MBOAT2: variants seen among roughly 807,000 people sequenced by gnomAD.
MBOAT2 encodes the protein membrane bound glycerophospholipid O-acyltransferase 2, also known as membrane-bound glycerophospholipid O-acyltransferase 2.
MBOAT2 carries 28 observed loss-of-function variants against 63.4 expected under a neutral mutation model. That is an observed-to-expected ratio of 0.44 (90% CI 0.33 to 0.61). The LOEUF (loss-of-function observed/expected upper bound fraction) is 0.61. Among genes scored for constraint, MBOAT2 ranks in the 20% least tolerant of loss-of-function variants. The pLI, the probability that MBOAT2 is intolerant of heterozygous loss-of-function variation, is 0.03. For synonymous variants in MBOAT2, 211 were observed against 215.6 expected (o/e 0.98, Z 0.19); for missense variants, 470 against 605.8 (o/e 0.78, Z 2.35).
At chr2:8,868,796 C>T (rs976011040) in intron 8 of MBOAT2, among the ~76,000 whole-genome samples, 1 of 151,966 alleles carries the variant, frequency 6.6e-6, no homozygotes, top group South Asian at 2.1e-4. Flanking sequence ...CTGCTGAGGA[C>T]CAATAGGTGA....
chr2:8,938,583 A>G (rs1178092218), intron 3 of MBOAT2, among the ~76,000 whole-genome samples: 1 of 150,010 alleles, frequency 6.7e-6, no homozygotes, highest in Admixed American at 6.6e-5. Flanking sequence ...GCCACATTTC[A>G]TGCCGTGTTT....
At chr2:8,888,532 C>T (rs187684073) in intron 4 of MBOAT2, among the ~76,000 whole-genome samples, 187 of 152,164 alleles carry the variant, frequency 1.2e-3, no homozygotes, top group African/African-American at 4.0e-3. Flanking sequence ...CTAAACACAG[C>T]CATCTAAGGC....
At chr2:8,912,333 AAGAAAGAAAGAAAGAAAG>A (rs1396080445) in intron 3 of MBOAT2, among the ~76,000 whole-genome samples, 38 of 110,424 alleles carry the variant, frequency 3.4e-4, no homozygotes, top group African/African-American at 1.0e-3. Flanking sequence ...GAAAGAAAGA[AAGAAAGAAAGAAAGAAAG>A]AGAAAGAAAG....
intron 3 of MBOAT2, among the ~76,000 whole-genome samples, chr2:8,927,098 G>C (rs1025703918): frequency 3.9e-5 from 6 of 152,182 alleles, no homozygotes; most frequent in African/African-American, 1.4e-4. Flanking sequence ...AGAGATCTGA[G>C]GCCAAGATGA....
intron 1 of MBOAT2, among the ~76,000 whole-genome samples, chr2:8,979,220 T>C (rs1019410649): frequency 2.0e-5 from 3 of 152,156 alleles, no homozygotes; most frequent in Non-Finnish European, 2.9e-5. Flanking sequence ...CAGGTCAATA[T>C]AAAAAGTACT....
chr2:8,862,357 C>T lies in MBOAT2; in HGVS notation c.1185+233G>A. 6.9e-7 allele frequency: 1 copy of T among 1,444,742 alleles called. No individual in the cohort carries two copies. The highest frequency in any genetic ancestry group is 9.2e-7 in the Non-Finnish European group (1 of 1,087,186). The allele number at this position is 1,444,742 out of a possible 1,614,324, so 89.5% of individuals were successfully genotyped here. The stretch of plus-strand genomic sequence containing the variant: ...CAAAGTAACATTTTGTGAGTGCCTC[C>T]TACCTGCCGGGCACATAGAAACGTG... On this transcript the variant is annotated intron_variant, in intron 11 of 12. Coordinates refer to ENST00000305997, the MANE Select transcript of MBOAT2 (RefSeq NM_138799.4). The surrounding 1 kb of genome is among the most constrained non-coding windows in gnomAD (Gnocchi z 4.3).
intron 1 of MBOAT2, among the ~76,000 whole-genome samples, chr2:8,979,115 T>A (rs1671028686): frequency 6.6e-6 from 1 of 152,160 alleles, no homozygotes; most frequent in African/African-American, 2.4e-5. Flanking sequence ...AGATTTCCAT[T>A]AGATACAATG....
At chr2:8,879,985 C>T (rs959577899) in intron 6 of MBOAT2, among the ~76,000 whole-genome samples, 6 of 151,974 alleles carry the variant, frequency 3.9e-5, no homozygotes, top group African/African-American at 1.5e-4. Flanking sequence ...AGTGAGGAAG[C>T]GTGGTCGAGC....
At position 8,873,278 on chromosome 2, in the gene MBOAT2, A is replaced by G; in HGVS notation, c.713T>C (p.Leu238Ser). 1.2e-6 allele frequency: 2 copies of G among 1,613,874 alleles called. No individual in the cohort carries two copies. Among genetic ancestry groups the G allele is most frequent in the Non-Finnish European group, 1.7e-6 (2 of 1,179,828 alleles). ...AAATAACAAGGACAGCCCACAAACT[A>G]AGAGCTTCTGAACAACCGCAGTCTG... ...SPNTAVVQKL[L>S]VCGLSLLFHL... The change falls in exon 8 of 13, where the codon TTA becomes TCA. Residue 238 changes from leucine (L) to serine (S), a missense_variant. Leu to Ser is a moderately radical substitution (Grantham distance 145). Transcript: ENST00000305997.
intron 5 of MBOAT2, among the ~76,000 whole-genome samples, chr2:8,887,706 C>G (rs1572967635): frequency 6.6e-6 from 1 of 152,272 alleles, no homozygotes; most frequent in East Asian, 1.9e-4. Flanking sequence ...GGAGCTGAAG[C>G]AGGAAATAAT....
chr2:8,974,231 C>A, intron 1 of MBOAT2: 1 of 395,234 alleles, frequency 2.5e-6, no homozygotes, highest in South Asian at 1.9e-5. Context: ...CTGGTCTCAG[C>A]CAATCATCAC....
chr2:9,002,539 T>C (rs778180123), intron 1 of MBOAT2, among the ~76,000 whole-genome samples: 1 of 152,182 alleles, frequency 6.6e-6, no homozygotes, highest in African/African-American at 2.4e-5. Context: ...ACACTTGAAA[T>C]AACTGTAAGC....
chr2:8,954,224 T>C (rs933858583), intron 2 of MBOAT2, among the ~76,000 whole-genome samples: 6 of 152,154 alleles, frequency 3.9e-5, no homozygotes, highest in African/African-American at 1.4e-4. Context: ...TATATCAGGC[T>C]GTGGAGTTCA....
chr2:8,939,102 C>A (rs1667869882), intron 3 of MBOAT2, among the ~76,000 whole-genome samples: 1 of 152,172 alleles, frequency 6.6e-6, no homozygotes, highest in African/African-American at 2.4e-5. Context: ...ATGAATGAAC[C>A]AATACCAACA....
intron 4 of MBOAT2, among the ~76,000 whole-genome samples, chr2:8,892,641 C>T (rs1482881896): frequency 2.0e-5 from 3 of 152,104 alleles, no homozygotes; most frequent in African/African-American, 7.2e-5. Context: ...GTGTCAGATG[C>T]TGCCAGTCCT....
chr2:8,967,413 A>T (rs1336488162), intron 1 of MBOAT2, among the ~76,000 whole-genome samples: 2 of 152,258 alleles, frequency 1.3e-5, no homozygotes, highest in African/African-American at 4.8e-5. Flanking sequence ...AAAACTGTCC[A>T]AAGCAGATAC....
chr2:8,864,915 AAT>A (rs1661761670), intron 9 of MBOAT2, among the ~76,000 whole-genome samples: 3 of 151,768 alleles, frequency 2.0e-5, no homozygotes, highest in Non-Finnish European at 1.5e-5. Flanking sequence ...CCCTTATGTA[AAT>A]TACTACTCTT....
chr2:8,941,495 G>A (rs979673456), intron 3 of MBOAT2, among the ~76,000 whole-genome samples: 1 of 152,046 alleles, frequency 6.6e-6, no homozygotes. Context: ...TGTGGCTAGT[G>A]AGCACTTGAA....
At chr2:8,888,472 A>G (rs1663730180) in intron 4 of MBOAT2, among the ~76,000 whole-genome samples, 1 of 152,214 alleles carries the variant, frequency 6.6e-6, no homozygotes, top group Non-Finnish European at 1.5e-5. Context: ...TATCATGGAC[A>G]GACTCTCAAC....
Sources: allele counts gnomAD v4.1 joint callset (sites outside exome capture counted in the v4.1 genomes callset), GRCh38; gene constraint gnomAD v4.1.1; non-coding constraint Gnocchi (gnomAD v3.1); transcripts MANE v1.5; gene names NCBI Gene and HGNC (gene_info 2026-07-23, HGNC 2026-07-21).